Variants in PPFIBP1 observed in about 807,000 individuals in gnomAD.
The protein encoded by PPFIBP1 is liprin-beta-1.
In PPFIBP1, 112 loss-of-function variants were observed where a neutral mutation model predicts 137.8. The ratio of observed to expected loss-of-function variants is 0.81; its 90% CI spans 0.70 to 0.95. PPFIBP1 has a LOEUF of 0.95. Ranked by LOEUF, PPFIBP1 falls within the 40% of genes least tolerant of loss-of-function variation. PPFIBP1 has a pLI of 0.00. For synonymous variants in PPFIBP1, 378 were observed against 417.3 expected (o/e 0.91, Z 1.15); for missense variants, 1,083 against 1,196.6 (o/e 0.91, Z 1.40).
chr12:27,601,299 A>T (rs1275300970), intron 2 of PPFIBP1, among the ~76,000 whole-genome samples: 2 of 152,228 alleles, frequency 1.3e-5, no homozygotes, highest in Admixed American at 6.5e-5. Context: ...TCCTTCTTCC[A>T]AACCAAATTC....
rs551149042 is a variant in PPFIBP1, at chr12:27,691,621, G to C, written c.2686-128G>C. On this transcript the variant is annotated intron_variant, in intron 27 of 29. Coordinates refer to ENST00000228425, the MANE Select transcript of PPFIBP1 (RefSeq NM_003622.4). The stretch of plus-strand genomic sequence containing the variant: ...TCCAGCTACTTTTCTCTCTACCATG[G>C]GGTAAATAATTAAATTATACATATA... The C allele has an allele frequency of 4.8e-6, 3 of 622,010 alleles. No homozygotes were observed. The African/African-American group carries it at 5.6e-5, about 12-fold the overall frequency. 38.5% of individuals were successfully genotyped at this position (622,010 alleles called of 1,614,324 possible). A position where few individuals can be genotyped will look rare whatever the true frequency, so the allele number is the denominator to read the frequency against.
intron 2 of PPFIBP1, among the ~76,000 whole-genome samples, chr12:27,578,594 C>T (rs540687566): frequency 6.6e-6 from 1 of 152,300 alleles, no homozygotes; most frequent in African/African-American, 2.4e-5. Flanking sequence ...ACTACCTTAT[C>T]TACACCAGCG....
At chr12:27,557,524 C>T (rs7964208) in intron 1 of PPFIBP1, among the ~76,000 whole-genome samples, 55,337 of 151,978 alleles carry the variant, frequency 0.36, 10,838 homozygotes, top group African/African-American at 0.5. Flanking sequence ...TGAGCCACCA[C>T]GCCCGGCTAC....
chr12:27,681,414 A>T, intron 21 of PPFIBP1, 132 bp from the exon 22 acceptor site: 1 of 993,238 alleles, frequency 1.0e-6, no homozygotes, highest in Non-Finnish European at 1.5e-6. Context: ...ACTAAAAATT[A>T]AGCTTTTCAT....
chr12:27,635,110 C>A lies in PPFIBP1; in HGVS notation c.265C>A (p.Gln89Lys). The change falls in exon 4 of 30, where the codon CAA (glutamine) becomes AAA (lysine). Residue 89 changes from glutamine to lysine, a missense_variant. Gln to Lys is a moderately conservative substitution (Grantham distance 53). Coordinates refer to ENST00000228425, the MANE Select transcript of PPFIBP1 (RefSeq NM_003622.4). ...AACGCTTGTTGAATGGCTTCAGAGTCAAATGGTAGGGTCTGCCTGTTCCAA... is the reference window on the plus strand; with the variant it reads ...AACGCTTGTTGAATGGCTTCAGAGTAAAATGGTAGGGTCTGCCTGTTCCAA... Reference protein sequence around the residue: ...AETLVEWLQSQMTNGHLPGNG... With the variant: ...AETLVEWLQSKMTNGHLPGNG... The A allele has an allele frequency of 6.2e-7, 1 of 1,614,088 alleles. No individual in the cohort carries two copies. Among genetic ancestry groups the A allele is most frequent in the African/African-American group, 1.3e-5 (1 of 75,054 alleles).
intron 25 of PPFIBP1, among the ~76,000 whole-genome samples, chr12:27,687,950 G>C (rs2061297545): frequency 6.6e-6 from 1 of 152,114 alleles, no homozygotes; most frequent in Non-Finnish European, 1.5e-5. Context: ...CAGGCATGGT[G>C]GGTGCACGCT....
chr12:27,577,910 G>A (rs2050706774), intron 1 of PPFIBP1, among the ~76,000 whole-genome samples: 1 of 152,152 alleles, frequency 6.6e-6, no homozygotes, highest in African/African-American at 2.4e-5. Flanking sequence ...GGGAATATTT[G>A]AGGTTGTCCA....
chr12:27,595,616 A>C (rs1291502453), intron 2 of PPFIBP1, among the ~76,000 whole-genome samples: 1 of 152,176 alleles, frequency 6.6e-6, no homozygotes, highest in Non-Finnish European at 1.5e-5. Flanking sequence ...GCACTTTGGG[A>C]GGCTGAGGTG....
In PPFIBP1 at chr12:27,693,026, G is replaced by A. The variant is rs2061646195; in HGVS notation, c.*144G>A. 1.5e-6 allele frequency: 2 copies of A among 1,326,936 alleles called. No individual in the cohort carries two copies. The highest frequency in any genetic ancestry group is 2.6e-5 in the East Asian group (1 of 38,482). 82.2% of individuals were successfully genotyped at this position (1,326,936 alleles called of 1,614,324 possible). A position where few individuals can be genotyped will look rare whatever the true frequency, so the allele number is the denominator to read the frequency against. ...TGTCGAGAAGTTTAAACAGAAAGCA[G>A]GAGTAATGTGCCGATTCTGAAGTTG... On this transcript the variant is annotated 3_prime_UTR_variant, in exon 30 of 30. Coordinates refer to ENST00000228425, the MANE Select transcript of PPFIBP1 (RefSeq NM_003622.4).
intron 2 of PPFIBP1, among the ~76,000 whole-genome samples, chr12:27,610,312 G>A (rs2054963485): frequency 6.6e-6 from 1 of 152,142 alleles, no homozygotes; most frequent in South Asian, 2.1e-4. Flanking sequence ...GCATGACTAG[G>A]ATGACATTGT....
chr12:27,527,303 C>T (rs1046184862), intron 1 of PPFIBP1, among the ~76,000 whole-genome samples: 1 of 151,500 alleles, frequency 6.6e-6, no homozygotes, highest in Non-Finnish European at 1.5e-5. Context: ...GGATGGAGTG[C>T]AGTGGTGCAG....
At chr12:27,556,816 CG>C (rs2048737957) in intron 1 of PPFIBP1, among the ~76,000 whole-genome samples, 1 of 152,216 alleles carries the variant, frequency 6.6e-6, no homozygotes, top group Non-Finnish European at 1.5e-5. Context: ...TTGGAATTGT[CG>C]GGGGCTAATA....
At chr12:27,683,822 C>G (rs1258257688) in intron 24 of PPFIBP1, among the ~76,000 whole-genome samples, 1 of 152,048 alleles carries the variant, frequency 6.6e-6, no homozygotes, top group Non-Finnish European at 1.5e-5. Context: ...GAGTCTCGCT[C>G]TGTCGCCCAG....
At chr12:27,655,009 C>T in intron 8 of PPFIBP1, 195 bp downstream of exon 8, 1 of 1,100,182 alleles carries the variant, frequency 9.1e-7, no homozygotes. Context: ...AGGCTTAACT[C>T]ATCCGACAGA....
chr12:27,615,641 C>G (rs1003956379), intron 2 of PPFIBP1, among the ~76,000 whole-genome samples: 2 of 152,172 alleles, frequency 1.3e-5, no homozygotes, highest in Non-Finnish European at 2.9e-5. Flanking sequence ...TTACATTTAT[C>G]TGGTTTAATC....
chr12:27,590,700 G>A (rs1020674049), intron 2 of PPFIBP1, among the ~76,000 whole-genome samples: 4 of 152,180 alleles, frequency 2.6e-5, no homozygotes, highest in African/African-American at 7.2e-5. Context: ...CTTTAAGGAT[G>A]AGTTTCCCAG....
intron 14 of PPFIBP1, 126 bp downstream of exon 14, chr12:27,671,672 A>G (rs2060207814): frequency 6.9e-6 from 4 of 578,728 alleles, no homozygotes; most frequent in South Asian, 2.3e-5. Context: ...CAAGATGTCC[A>G]CTGGGGGATC....
chr12:27,677,304 A>G (rs1466609977), intron 19 of PPFIBP1: 16 of 614,250 alleles, frequency 2.6e-5, no homozygotes, highest in African/African-American at 1.5e-4. Flanking sequence ...AACCAATACT[A>G]GTAACACTCA....
Position 27,531,315 on chromosome 12 carries a change from G to A in PPFIBP1, c.-124+6950G>A, listed in dbSNP as rs890709065. ...AGAAATTATTATTATTTTTTTTTGAGACAGTCTCGTGCTGTCACCCAGGCT... is the reference window on the plus strand; with the variant it reads ...AGAAATTATTATTATTTTTTTTTGAAACAGTCTCGTGCTGTCACCCAGGCT... On this transcript the variant is annotated intron_variant, in intron 1 of 29. Coordinates refer to ENST00000228425, the MANE Select transcript of PPFIBP1 (RefSeq NM_003622.4). Among the ~76,000 whole-genome samples the A allele has an allele frequency of 1.5e-4, 22 of 151,674 alleles. 1 individual carries two copies. The highest frequency in any genetic ancestry group is 2.9e-4 in the African/African-American group (12 of 41,282).
Sources: gnomAD v4.1 joint callset for allele counts (sites outside exome capture counted in the v4.1 genomes callset) on GRCh38, gnomAD v4.1.1 for gene constraint, MANE v1.5 for transcripts, NCBI Gene and HGNC (gene_info 2026-07-23, HGNC 2026-07-21) for gene names.